Variants in DPF3 observed in about 807,000 individuals in gnomAD.
The protein encoded by DPF3 is double PHD fingers 3.
Under a neutral mutation model 56.8 loss-of-function variants are expected in DPF3, and 18 were observed. That is an observed-to-expected ratio of 0.32 (90% CI 0.22 to 0.47). The LOEUF (loss-of-function observed/expected upper bound fraction) is 0.47. Ranked by LOEUF, DPF3 falls within the 20% of genes least tolerant of loss-of-function variation. DPF3 has a pLI of 1.00. For missense variants in DPF3, 403 were observed against 488.8 expected, an observed-to-expected ratio of 0.82 and a Z score of 1.65; for synonymous variants, 188 against 180.2, an observed-to-expected ratio of 1.04 and a Z score of -0.35.
At chr14:72,688,588 C>T (rs1366326205) in intron 7 of DPF3, among the ~76,000 whole-genome samples, 1 of 152,222 alleles carries the variant, frequency 6.6e-6, no homozygotes, top group Non-Finnish European at 1.5e-5. Context: ...CCCACTGGGG[C>T]TCCCTACCAA....
intron 8 of DPF3, among the ~76,000 whole-genome samples, chr14:72,636,776 T>G (rs951419852): frequency 6.6e-6 from 1 of 152,232 alleles, no homozygotes; most frequent in African/African-American, 2.4e-5. Context: ...TGCAAATCGA[T>G]GATCACAATG....
At chr14:72,786,848 A>G (rs1892228555) in intron 1 of DPF3, among the ~76,000 whole-genome samples, 1 of 152,216 alleles carries the variant, frequency 6.6e-6, no homozygotes, top group South Asian at 2.1e-4. Flanking sequence ...CATAGCTGAA[A>G]ATTCGTTTGT....
At chr14:72,854,737 C>A (rs970411087) in intron 1 of DPF3, among the ~76,000 whole-genome samples, 1 of 152,188 alleles carries the variant, frequency 6.6e-6, no homozygotes, top group Non-Finnish European at 1.5e-5. Flanking sequence ...GCAGCAGGAT[C>A]AAATGGTCAA....
chr14:72,799,008 T>A (rs1892754494), intron 1 of DPF3, among the ~76,000 whole-genome samples: 1 of 152,130 alleles, frequency 6.6e-6, no homozygotes, highest in African/African-American at 2.4e-5. Context: ...CAGCAGAAGG[T>A]AGCCTGTGTC....
At chr14:72,725,167 G>A (rs1889349531) in intron 4 of DPF3, among the ~76,000 whole-genome samples, 1 of 152,158 alleles carries the variant, frequency 6.6e-6, no homozygotes, top group South Asian at 2.1e-4. Context: ...TCCATGCTAG[G>A]CAAGCTGCAA....
rs139177113 is a variant in DPF3 at position 72,842,036 on chromosome 14, A to G, written c.32+52021T>C. Reference sequence around the variant, plus strand: ...CAGGAGGTCAAGCCTGCAAGGAGCTATGATTATACCACTGCACTCCAGCCT... The same window carrying G: ...CAGGAGGTCAAGCCTGCAAGGAGCTGTGATTATACCACTGCACTCCAGCCT... On this transcript the variant is annotated intron_variant, in intron 1 of 10. Coordinates refer to ENST00000556509, the MANE Select transcript of DPF3 (RefSeq NM_001280542.3). Among the ~76,000 whole-genome samples the G allele has an allele frequency of 4.1e-4, 62 of 151,140 alleles. No homozygotes were observed. In the East Asian group the frequency reaches 0.01, roughly 25 times the overall value.
At chr14:72,755,452 A>C (rs1445386158) in intron 2 of DPF3, among the ~76,000 whole-genome samples, 2 of 152,210 alleles carry the variant, frequency 1.3e-5, no homozygotes, top group Admixed American at 6.5e-5. Flanking sequence ...GACACTCTGC[A>C]GTGCAAAGGA....
chr14:72,714,086 GA>G (rs1362919880), intron 6 of DPF3, among the ~76,000 whole-genome samples: 1 of 152,204 alleles, frequency 6.6e-6, no homozygotes, highest in Admixed American at 6.5e-5. Flanking sequence ...CTGAAATACA[GA>G]AAGAAATAGA....
chr14:72,824,764 G>C (rs1883716005), intron 1 of DPF3, among the ~76,000 whole-genome samples: 1 of 152,018 alleles, frequency 6.6e-6, no homozygotes, highest in African/African-American at 2.4e-5. Context: ...TAGAGATGGG[G>C]TTTCACCATG....
intron 2 of DPF3, among the ~76,000 whole-genome samples, chr14:72,759,294 G>C (rs1213927778): frequency 6.6e-6 from 1 of 152,140 alleles, no homozygotes; most frequent in African/African-American, 2.4e-5. Context: ...AAAAAATAAT[G>C]GCATAAATGA....
intron 3 of DPF3, among the ~76,000 whole-genome samples, chr14:72,751,497 G>A (rs944393457): frequency 8.5e-5 from 13 of 152,290 alleles, no homozygotes; most frequent in Middle Eastern, 3.4e-3. Context: ...TGATGCTGCC[G>A]CTGCAGGCCA....
intron 8 of DPF3, among the ~76,000 whole-genome samples, chr14:72,647,429 G>A (rs929363050): frequency 6.6e-6 from 1 of 152,182 alleles, no homozygotes; most frequent in African/African-American, 2.4e-5. Context: ...CCAGAGACCT[G>A]TGGGTCTCCT....
intron 3 of DPF3, among the ~76,000 whole-genome samples, chr14:72,737,550 G>C (rs1462685453): frequency 6.6e-6 from 1 of 152,184 alleles, no homozygotes; most frequent in Non-Finnish European, 1.5e-5. Context: ...TTTGGCTCAG[G>C]ATGAAGGACT....
intron 6 of DPF3, among the ~76,000 whole-genome samples, chr14:72,702,938 G>C (rs1015456025): frequency 4.6e-5 from 7 of 152,084 alleles, no homozygotes; most frequent in African/African-American, 1.2e-4. Flanking sequence ...AGAGACCGGG[G>C]GTCTGGCTCT....
At chr14:72,728,383 A>G (rs1414999678) in intron 4 of DPF3, among the ~76,000 whole-genome samples, 1 of 152,196 alleles carries the variant, frequency 6.6e-6, no homozygotes, top group African/African-American at 2.4e-5. Context: ...AAGAAAAGGC[A>G]TGCCAGATAA....
At chr14:72,639,191 A>G (rs1414142485) in intron 8 of DPF3, among the ~76,000 whole-genome samples, 1 of 152,158 alleles carries the variant, frequency 6.6e-6, no homozygotes, top group Non-Finnish European at 1.5e-5. Context: ...ATTCTCATAG[A>G]AAAATAATTC....
At chr14:72,669,947 C>G in intron 8 of DPF3, 7 of 985,932 alleles carry the variant, frequency 7.1e-6, no homozygotes, top group Non-Finnish European at 8.4e-6. Context: ...TTAGCCAAGA[C>G]ATACCTTTTG....
chr14:72,748,843 G>A (rs58344375), intron 3 of DPF3, among the ~76,000 whole-genome samples: 5,049 of 152,310 alleles, frequency 0.033, 215 homozygotes, highest in African/African-American at 0.1. Context: ...GTCAAGAACT[G>A]AAGTTTGGAA....
At chr14:72,715,650 A>T (rs920020595) in intron 5 of DPF3, among the ~76,000 whole-genome samples, 1 of 151,176 alleles carries the variant, frequency 6.6e-6, no homozygotes, top group Non-Finnish European at 1.5e-5. Context: ...GCACACACAC[A>T]CTCCATGTAC....
Sources: allele counts gnomAD v4.1 joint callset (sites outside exome capture counted in the v4.1 genomes callset), GRCh38; gene constraint gnomAD v4.1.1; transcripts MANE v1.5; gene names NCBI Gene and HGNC (gene_info 2026-07-23, HGNC 2026-07-21).